PRCC: variants seen among roughly 807,000 people sequenced by gnomAD.
The protein encoded by PRCC is proline-rich protein PRCC.
A neutral mutation model predicts 44.0 loss-of-function variants in PRCC; 10 were observed. The ratio of observed to expected loss-of-function variants is 0.23; its 90% CI spans 0.14 to 0.39. The LOEUF (loss-of-function observed/expected upper bound fraction) is 0.39, where lower values mean the gene tolerates loss of function less well. Ranked by LOEUF, PRCC falls within the 10% of genes least tolerant of loss-of-function variation. The pLI is 1.00. For missense variants in PRCC, 573 were observed against 624.7 expected (o/e 0.92, Z 0.88); for synonymous variants, 278 against 259.5 (o/e 1.07, Z -0.69).
intron 1 of PRCC, among the ~76,000 whole-genome samples, chr1:156,772,677 T>G (rs1651676074): frequency 6.6e-6 from 1 of 152,238 alleles, no homozygotes; most frequent in African/African-American, 2.4e-5. Flanking sequence ...TTTACCAAGA[T>G]AGTAGAAAAT....
rs1167857777 is a variant in PRCC, at chr1:156,767,631, G to A, written c.-141G>A. ...CAGCCGTAGCCATGAGTTTCTGCCG[G>A]GGCTAGCCCTAGAGTACGGAGCAGG... On this transcript the variant is annotated 5_prime_UTR_variant, in exon 1 of 7. Coordinates refer to ENST00000271526, the MANE Select transcript of PRCC (RefSeq NM_005973.5). 8 of 790,428 alleles carry A rather than the reference G, an allele frequency of 1.0e-5. No individual in the cohort carries two copies. The highest frequency in any genetic ancestry group is 1.4e-5 in the Non-Finnish European group (7 of 505,374). The allele number at this position is 790,428 out of a possible 1,614,324, so 49.0% of individuals were successfully genotyped here.
At chr1:156,779,995 A>G (rs1236320391) in intron 1 of PRCC, among the ~76,000 whole-genome samples, 4 of 151,994 alleles carry the variant, frequency 2.6e-5, no homozygotes, top group Non-Finnish European at 5.9e-5. Flanking sequence ...GATTCAAGCA[A>G]TTCTTGTACC....
chr1:156,769,334 C>T (rs1480234767), intron 1 of PRCC, among the ~76,000 whole-genome samples: 1 of 152,194 alleles, frequency 6.6e-6, no homozygotes, highest in Non-Finnish European at 1.5e-5. Flanking sequence ...ACCTCCTCCT[C>T]CCCATTGCTC....
At chr1:156,780,089 C>T (rs1352140592) in intron 1 of PRCC, among the ~76,000 whole-genome samples, 1 of 152,114 alleles carries the variant, frequency 6.6e-6, no homozygotes, top group African/African-American at 2.4e-5. Context: ...TGGAGTTTCA[C>T]TCTGTCGCCT....
intron 4 of PRCC, among the ~76,000 whole-genome samples, chr1:156,792,403 A>G (rs1232890392): frequency 2.0e-5 from 3 of 152,064 alleles, no homozygotes; most frequent in Non-Finnish European, 4.4e-5. Context: ...CTCACTGACT[A>G]GAATCTGCTC....
chr1:156,783,886 C>T (rs185009858), intron 2 of PRCC, among the ~76,000 whole-genome samples: 15 of 151,954 alleles, frequency 9.9e-5, no homozygotes, highest in Admixed American at 3.3e-4. Flanking sequence ...TTTAGAAGGA[C>T]GTAGTTGTGT....
rs114893291 is a variant in PRCC, at chr1:156,793,318, G to T, written c.1180-1347G>T. Among the ~76,000 whole-genome samples, 417 of 152,224 alleles carry T rather than the reference G, an allele frequency of 2.7e-3. 2 individuals carry two copies. The highest frequency in any genetic ancestry group is 9.6e-3 in the African/African-American group (397 of 41,542). ...CTTCTAGGTAGAGTGAGTATAGAAGGCCTCACTAATGTTGAGATCAGGACT... is the reference window on the plus strand; with the variant it reads ...CTTCTAGGTAGAGTGAGTATAGAAGTCCTCACTAATGTTGAGATCAGGACT... On this transcript the variant is annotated intron_variant, in intron 4 of 6. Coordinates refer to ENST00000271526, the MANE Select transcript of PRCC (RefSeq NM_005973.5).
chr1:156,780,354 A>G (rs1454339019), intron 1 of PRCC, among the ~76,000 whole-genome samples: 1 of 151,872 alleles, frequency 6.6e-6, no homozygotes, highest in Non-Finnish European at 1.5e-5. Context: ...CCACTGCGCC[A>G]CACTGTCATA....
chr1:156,768,087 G>A lies in PRCC; in HGVS notation c.316G>A (p.Glu106Lys). The A allele has an allele frequency of 6.3e-7, 1 of 1,588,378 alleles. No homozygotes were observed. The highest frequency in any genetic ancestry group is 1.3e-5 in the African/African-American group (1 of 74,730). ...CCCGGCTGAAGCGGCGGGAGTTGGG[G>A]AGGGACTGGGATTGGGGTTGCCCTC... The part of the protein sequence containing the change: ...VSPAEAAGVG[E>K]GLGLGLPSPR... The change falls in exon 1 of 7, where the codon GAG (glutamate) becomes AAG (lysine). Residue 106 changes from glutamate (E) to lysine (K), a missense_variant. Glu to Lys is a moderately conservative substitution (Grantham distance 56). Coordinates refer to ENST00000271526, the MANE Select transcript of PRCC (RefSeq NM_005973.5).
intron 1 of PRCC, among the ~76,000 whole-genome samples, chr1:156,771,573 G>A (rs1451302598): frequency 6.6e-6 from 1 of 152,200 alleles, no homozygotes; most frequent in Non-Finnish European, 1.5e-5. Context: ...TCAGGCAGCT[G>A]GGGGGTGGTG....
At position 156,792,053 on chromosome 1, in the gene PRCC, C is replaced by CTTTTTTTTTTTTTTTTTTTTTTTTTTT. The variant is rs67388360; in HGVS notation, c.1179+263_1179+289dup. Among the ~76,000 whole-genome samples, 15 of 58,448 alleles carry CTTTTTTTTTTTTTTTTTTTTTTTTTTT rather than the reference C, an allele frequency of 2.6e-4. 2 individuals carry two copies. Among genetic ancestry groups the CTTTTTTTTTTTTTTTTTTTTTTTTTTT allele is most frequent in the South Asian group, 1.0e-3 (1 of 960 alleles). The allele number at this position is 58,448 out of a possible 152,430, so 38.3% of individuals were successfully genotyped here. On this transcript the variant is annotated intron_variant, in intron 4 of 6. Transcript: ENST00000271526. ...ACAGAGTCAGGGATCTAGTCCCCTT[C>CTTTTTTTTTTTTTTTTTTTTTTTTTTT]TTTTTTTTTTTTTTTTTTTTTTTTT...
chr1:156,771,081 G>T (rs575044205), intron 1 of PRCC, among the ~76,000 whole-genome samples: 7 of 152,186 alleles, frequency 4.6e-5, no homozygotes, highest in African/African-American at 1.4e-4. Flanking sequence ...GAGCCCTCTG[G>T]GGGGAGATGT....
rs917652599 is a variant in PRCC, at chr1:156,797,974, T to C, written c.1389+633T>C. ...TTTCCCTTTTTGGAGACAGGGGTCT[T>C]ACTCTGTCACCCAGGCTGGAGTGCA... On this transcript the variant is annotated intron_variant, in intron 6 of 6. Coordinates refer to ENST00000271526, the MANE Select transcript of PRCC (RefSeq NM_005973.5). Among the ~76,000 whole-genome samples, 3 of 152,272 alleles carry C rather than the reference T, an allele frequency of 2.0e-5. No homozygotes were observed. The South Asian group carries it at 6.2e-4, about 32-fold the overall frequency.
intron 3 of PRCC, 136 bp downstream of exon 3, chr1:156,787,310 T>TA: frequency 1.0e-6 from 1 of 987,878 alleles, no homozygotes; most frequent in East Asian, 2.5e-5. Flanking sequence ...CCACAGAACA[T>TA]ACCTTTATTC....
rs936069110 is a variant in PRCC, at chr1:156,787,172, C to G, written c.1081C>G (p.Gln361Glu). 171 of 1,598,342 alleles carry G rather than the reference C, an allele frequency of 1.1e-4. No homozygotes were observed. Among genetic ancestry groups the G allele is most frequent in the Non-Finnish European group, 1.4e-4 (167 of 1,168,764 alleles). Residue 361 changes from glutamine (Q) to glutamate (E), a missense_variant and splice_region_variant, in exon 3 of 7, where the codon CAG becomes GAG. Around this residue, in one of 4 missense-constraint regions of PRCC, gnomAD observed 141 missense variants for 130.2 expected, o/e 1.08. Transcript: ENST00000271526. ...GDANAAGAYY[Q>E]DYYSGGYYPA... is the part of the protein sequence containing the mutation. ...TGCCAATGCCGCTGGTGCTTATTAT[C>G]AGGTGGGTAGGAGGCACAGAGGGCA... is the stretch of plus-strand genomic sequence containing the variant.
At chr1:156,775,223 G>A (rs1319470201) in intron 1 of PRCC, among the ~76,000 whole-genome samples, 1 of 152,004 alleles carries the variant, frequency 6.6e-6, no homozygotes, top group Non-Finnish European at 1.5e-5. Context: ...ACTCCAGCCT[G>A]GGCTGCAGAG....
At chr1:156,769,971 A>C (rs1651568883) in intron 1 of PRCC, among the ~76,000 whole-genome samples, 1 of 152,190 alleles carries the variant, frequency 6.6e-6, no homozygotes, top group Non-Finnish European at 1.5e-5. Context: ...GATCCAAAAA[A>C]AAAAAGCCTT....
chr1:156,783,517 G>A (rs144854295), intron 2 of PRCC, among the ~76,000 whole-genome samples: 5,081 of 152,194 alleles, frequency 0.033, 284 homozygotes, highest in African/African-American at 0.12. Flanking sequence ...AGGCCCAGGC[G>A]GGCAGATCAC....
intron 1 of PRCC, among the ~76,000 whole-genome samples, chr1:156,780,218 C>T (rs774881781): frequency 2.0e-5 from 3 of 149,796 alleles, no homozygotes; most frequent in East Asian, 2.0e-4. Flanking sequence ...CCACCACACC[C>T]GGCTAATCTT....
Sources: allele counts gnomAD v4.1 joint callset (sites outside exome capture counted in the v4.1 genomes callset), GRCh38; gene constraint gnomAD v4.1.1; regional missense constraint gnomAD v4.1.1; transcripts MANE v1.5; gene names NCBI Gene and HGNC (gene_info 2026-07-23, HGNC 2026-07-21).